The following OSBPL6 variants were observed in gnomAD, a reference collection of about 807,000 sequenced individuals.
OSBPL6 encodes oxysterol-binding protein-related protein 6.
OSBPL6 carries 49 observed loss-of-function variants against 125.8 expected under a neutral mutation model. The observed-to-expected ratio is 0.39, with a 90% confidence interval of 0.31 to 0.49. OSBPL6 has a LOEUF of 0.49. Ranked by LOEUF, OSBPL6 falls within the 20% of genes least tolerant of loss-of-function variation. OSBPL6 has a pLI of 0.88. For missense variants in OSBPL6, 986 were observed against 1,135.4 expected, an observed-to-expected ratio of 0.87 and a Z score of 1.89; for synonymous variants, 394 against 391.8, an observed-to-expected ratio of 1.01 and a Z score of -0.07.
chr2:178,333,316 C>T (rs929826055), intron 8 of OSBPL6, among the ~76,000 whole-genome samples: 1 of 151,942 alleles, frequency 6.6e-6, no homozygotes, highest in Non-Finnish European at 1.5e-5. Context: ...ACCTGGGAGG[C>T]GGAGGTTGTA....
intron 2 of OSBPL6, among the ~76,000 whole-genome samples, chr2:178,296,119 G>C (rs951664053): frequency 6.6e-6 from 1 of 152,180 alleles, no homozygotes; most frequent in African/African-American, 2.4e-5. Flanking sequence ...CATACCTGCT[G>C]CCTGCTGGCA....
chr2:178,320,234 T>C (rs1688120805), intron 3 of OSBPL6: 2 of 1,591,662 alleles, frequency 1.3e-6, no homozygotes, highest in South Asian at 1.1e-5. Context: ...ACTACAGTCA[T>C]GTTGGCACAT....
chr2:178,374,182 G>A (rs1197046131), intron 15 of OSBPL6, among the ~76,000 whole-genome samples, 155 bp downstream of exon 15: 1 of 152,182 alleles, frequency 6.6e-6, no homozygotes. Flanking sequence ...CTAAAAGCAT[G>A]CAAACTATTA....
chr2:178,196,878 A>C (rs1018901265), intron 1 of OSBPL6, among the ~76,000 whole-genome samples: 1 of 152,216 alleles, frequency 6.6e-6, no homozygotes, highest in Non-Finnish European at 1.5e-5. Flanking sequence ...CATAGTATCC[A>C]TTGACTTCTG....
chr2:178,250,739 A>G lies in OSBPL6; in HGVS notation c.-350-34188A>G, dbSNP rs899007771. On this transcript the variant is annotated intron_variant, in intron 1 of 24. Transcript: ENST00000190611. ...ACTTCCACAAAGCAGAAGCCGTCTC[A>G]TATCGTGCACTATAAATGAGGACTT... 3.3e-5 allele frequency among the ~76,000 whole-genome samples: 5 copies of G among 152,180 alleles called. No homozygotes were observed. The South Asian group carries it at 1.0e-3, about 32-fold the overall frequency.
In OSBPL6 at chr2:178,265,191, C is replaced by CTTTTTTTTT. The variant is rs376718500; in HGVS notation, c.-350-19706_-350-19698dup. On this transcript the variant is annotated intron_variant, in intron 1 of 24. Transcript: ENST00000190611. ...GTCACTTCCCCTGGCCCAGACGAGACTTTTTTTTTTTTTTTTTTTTTTTTT... is the reference window on the plus strand; with the variant it reads ...GTCACTTCCCCTGGCCCAGACGAGACTTTTTTTTTTTTTTTTTTTTTTTTTTTTTTTTTT... Among the ~76,000 whole-genome samples, 57 of 33,726 alleles carry CTTTTTTTTT rather than the reference C, an allele frequency of 1.7e-3. 17 individuals are homozygous for CTTTTTTTTT. The highest frequency in any genetic ancestry group is 2.8e-3 in the Non-Finnish European group (42 of 15,222). The allele number at this position is 33,726 out of a possible 152,430, so 22.1% of individuals were successfully genotyped here. A position where few individuals can be genotyped will look rare whatever the true frequency, so the allele number is the denominator to read the frequency against.
Position 178,397,770 on chromosome 2 carries a change from T to C in OSBPL6, c.*2211T>C, listed in dbSNP as rs1396641141. On this transcript the variant is annotated 3_prime_UTR_variant, in exon 25 of 25. Transcript: ENST00000190611. The stretch of plus-strand genomic sequence containing the variant: ...GGAAGCAACGACTGTACTTAGCAAT[T>C]TGGGTTATAATTACAAAAAAGAAAA... 1.3e-5 allele frequency: 2 copies of C among 152,066 alleles called. No homozygotes were observed. Among genetic ancestry groups the C allele is most frequent in the African/African-American group, 4.8e-5 (2 of 41,374 alleles). The allele number at this position is 152,066 out of a possible 1,614,324, so 9.4% of individuals were successfully genotyped here.
At chr2:178,390,103 A>C (rs1559329357) in intron 21 of OSBPL6, among the ~76,000 whole-genome samples, 1 of 152,350 alleles carries the variant, frequency 6.6e-6, no homozygotes, top group East Asian at 1.9e-4. Context: ...GCTGCAGTGC[A>C]GTCCTGTCTC....
At chr2:178,297,353 T>G (rs1685851175) in intron 2 of OSBPL6, among the ~76,000 whole-genome samples, 1 of 152,168 alleles carries the variant, frequency 6.6e-6, no homozygotes, top group African/African-American at 2.4e-5. Context: ...ATCCCAACAC[T>G]TTGGGAGGCT....
chr2:178,399,209 T>G lies in OSBPL6; in HGVS notation c.*3650T>G, dbSNP rs892732917. 1.3e-5 allele frequency: 2 copies of G among 152,208 alleles called. No homozygotes were observed. The highest frequency in any genetic ancestry group is 4.1e-4 in the South Asian group (2 of 4,830). 9.4% of individuals were successfully genotyped at this position (152,208 alleles called of 1,614,324 possible). ...ATTTTGTGCTCTAGAAATGTTCTTT[T>G]GGGGAAAGATGGAAAGAAATGTATA... is the stretch of plus-strand genomic sequence containing the variant. On this transcript the variant is annotated 3_prime_UTR_variant, in exon 25 of 25. Coordinates refer to ENST00000190611, the MANE Select transcript of OSBPL6 (RefSeq NM_032523.4).
chr2:178,289,846 TAGA>T (rs10590161), intron 2 of OSBPL6, among the ~76,000 whole-genome samples: 55,363 of 151,942 alleles, frequency 0.36, 11,306 homozygotes, highest in East Asian at 0.64. Context: ...TCAGATTTAC[TAGA>T]ACTTGGAAGT....
chr2:178,360,202 A>G (rs1246348649), intron 12 of OSBPL6, among the ~76,000 whole-genome samples: 1 of 152,242 alleles, frequency 6.6e-6, no homozygotes, highest in Non-Finnish European at 1.5e-5. Context: ...AGTGACTACC[A>G]GGATGGCAGT....
chr2:178,321,837 G>A (rs1264313156), intron 3 of OSBPL6, among the ~76,000 whole-genome samples: 1 of 152,190 alleles, frequency 6.6e-6, no homozygotes, highest in East Asian at 1.9e-4. Context: ...CAGAATTTAG[G>A]GTTTAGATAT....
chr2:178,358,554 G>T (rs1284434381), intron 12 of OSBPL6, among the ~76,000 whole-genome samples: 1 of 152,080 alleles, frequency 6.6e-6, no homozygotes, highest in Non-Finnish European at 1.5e-5. Context: ...ACATGTAAAA[G>T]AATGAAATTG....
intron 14 of OSBPL6, among the ~76,000 whole-genome samples, chr2:178,372,948 A>G (rs1376877801): frequency 6.6e-6 from 1 of 152,238 alleles, no homozygotes; most frequent in Admixed American, 6.5e-5. Context: ...ATTACTTTAT[A>G]GCATGAGAAC....
intron 1 of OSBPL6, among the ~76,000 whole-genome samples, chr2:178,195,740 T>C (rs1303642647): frequency 6.6e-6 from 1 of 152,232 alleles, no homozygotes; most frequent in Non-Finnish European, 1.5e-5. Context: ...AGGTTTTTTC[T>C]ATAGGAACTT....
At chr2:178,365,877 T>G (rs1293251542) in intron 13 of OSBPL6, among the ~76,000 whole-genome samples, 2 of 152,042 alleles carry the variant, frequency 1.3e-5, no homozygotes, top group Non-Finnish European at 2.9e-5. Flanking sequence ...TCAGCTATAA[T>G]TTCATATCTT....
intron 1 of OSBPL6, among the ~76,000 whole-genome samples, chr2:178,230,805 C>G (rs1396078438): frequency 1.3e-5 from 2 of 152,168 alleles, no homozygotes; most frequent in Admixed American, 1.3e-4. Flanking sequence ...TTTCCCTATA[C>G]CTTATAGCAC....
At chr2:178,380,255 G>A (rs1376750177) in intron 15 of OSBPL6, among the ~76,000 whole-genome samples, 1 of 151,724 alleles carries the variant, frequency 6.6e-6, no homozygotes, top group Non-Finnish European at 1.5e-5. Context: ...TCAAGCCTGG[G>A]TAACGTAGCA....
Sources: allele counts gnomAD v4.1 joint callset (sites outside exome capture counted in the v4.1 genomes callset), GRCh38; gene constraint gnomAD v4.1.1; transcripts MANE v1.5; gene names NCBI Gene and HGNC (gene_info 2026-07-23, HGNC 2026-07-21).